Variants in SLC16A2 observed in about 807,000 individuals in gnomAD.
SLC16A2 encodes solute carrier family 16 member 2.
SLC16A2 carries 3 observed loss-of-function variants against 27.2 expected under a neutral mutation model. The ratio of observed to expected loss-of-function variants is 0.11; its 90% CI spans 0.05 to 0.28. The LOEUF (loss-of-function observed/expected upper bound fraction) is 0.28. Among genes scored for constraint, SLC16A2 ranks in the 10% least tolerant of loss-of-function variants. The pLI, the probability that SLC16A2 is intolerant of heterozygous loss-of-function variation, is 1.00. For missense variants in SLC16A2, 295 were observed against 458.5 expected (o/e 0.64, Z 3.26); for synonymous variants, 202 against 187.8 (o/e 1.08, Z -0.62).
In SLC16A2 at chrX:74,532,118, T is replaced by C. The variant is rs947390063; in HGVS notation, c.*565T>C. ...CCCTTATTGTATGGTTGGTTAACAG[T>C]CTGCTCCCCTCTTCCCTTCCTTCTT... On this transcript the variant is annotated 3_prime_UTR_variant, in exon 6 of 6. Transcript: ENST00000587091. 1 of 124,280 alleles carries C rather than the reference T, an allele frequency of 8.0e-6. No homozygotes were observed. The highest frequency in any genetic ancestry group is 1.7e-5 in the Non-Finnish European group (1 of 60,121). 10.2% of individuals were successfully genotyped at this position (124,280 alleles called of 1,213,427 possible).
chrX:74,501,795 AGTCCTG>A (rs1475096809), intron 1 of SLC16A2, among the ~76,000 whole-genome samples: 6 of 111,003 alleles, frequency 5.4e-5, no homozygotes, highest in African/African-American at 1.6e-4. Context: ...ACATTTTTGG[AGTCCTG>A]TGTTCAAGCA....
chrX:74,423,017 C>G (rs1485590508), intron 1 of SLC16A2, among the ~76,000 whole-genome samples: 2 of 113,207 alleles, frequency 1.8e-5, no homozygotes. Flanking sequence ...GCATAGCCCT[C>G]GCTTTCCAGG....
intron 1 of SLC16A2, among the ~76,000 whole-genome samples, chrX:74,439,477 ATTTTT>A (rs58357634): frequency 2.5e-5 from 2 of 78,557 alleles, no homozygotes; most frequent in Non-Finnish European, 2.3e-5. Context: ...GGCCCGGCTA[ATTTTT>A]TTTTTTTTTT....
chrX:74,425,145 G>A (rs1928381806), intron 1 of SLC16A2, among the ~76,000 whole-genome samples: 1 of 112,124 alleles, frequency 8.9e-6, no homozygotes, highest in South Asian at 3.7e-4. Context: ...TGGGAAGAAA[G>A]GTAGTTTTGA....
intron 1 of SLC16A2, among the ~76,000 whole-genome samples, chrX:74,437,038 T>TGAC (rs1279437338): frequency 3.6e-5 from 4 of 112,181 alleles, no homozygotes; most frequent in Non-Finnish European, 7.5e-5. Flanking sequence ...AGGGAACCAA[T>TGAC]GACTAAGAGG....
rs778161921 is a variant in SLC16A2 at position 74,526,564 on chromosome X, A to G, written c.1170+671A>G. Among the ~76,000 whole-genome samples the G allele has an allele frequency of 3.6e-5, 4 of 112,322 alleles. No homozygotes were observed. In the South Asian group the frequency reaches 1.5e-3, roughly 42 times the overall value. On this transcript the variant is annotated intron_variant, in intron 4 of 5. Coordinates refer to ENST00000587091, the MANE Select transcript of SLC16A2 (RefSeq NM_006517.5). The stretch of plus-strand genomic sequence containing the variant: ...TTTTCCTTAACTTTTTTGGTGTTAG[A>G]TTACAAGAGTTGGTAAATCTGCTTT...
chrX:74,466,542 A>G (rs1455795842), intron 1 of SLC16A2, among the ~76,000 whole-genome samples: 2 of 112,515 alleles, frequency 1.8e-5, no homozygotes, highest in Admixed American at 1.9e-4. Context: ...ATGCTATGCA[A>G]ATAGTTGTTA....
In SLC16A2 at chrX:74,440,392, T is replaced by G. The variant is rs777754776; in HGVS notation, c.430+18325T>G. ...ACAAGATGTCTTTAAAAAAGGTGTG[T>G]ATGTGTTCTGTTTTGTTTGTGTGTG... On this transcript the variant is annotated intron_variant, in intron 1 of 5. Coordinates refer to ENST00000587091, the MANE Select transcript of SLC16A2 (RefSeq NM_006517.5). Among the ~76,000 whole-genome samples, 4 of 111,088 alleles carry G rather than the reference T, an allele frequency of 3.6e-5. No individual in the cohort carries two copies. In the South Asian group the frequency reaches 1.5e-3, roughly 43 times the overall value.
chrX:74,427,240 G>A (rs1459106585), intron 1 of SLC16A2, among the ~76,000 whole-genome samples: 1 of 112,172 alleles, frequency 8.9e-6, no homozygotes, highest in Admixed American at 9.5e-5. Context: ...GCTAGCAGAG[G>A]AAACGGATTC....
chrX:74,499,822 C>G (rs1929997872), intron 1 of SLC16A2, among the ~76,000 whole-genome samples: 1 of 111,170 alleles, frequency 9.0e-6, no homozygotes, highest in African/African-American at 3.3e-5. Flanking sequence ...ACTAGGATGG[C>G]TAAATAGTAG....
chrX:74,444,495 A>C (rs1928806131), intron 1 of SLC16A2, among the ~76,000 whole-genome samples: 1 of 111,668 alleles, frequency 9.0e-6, no homozygotes, highest in Admixed American at 9.5e-5. Context: ...AGGAATCCGA[A>C]AGCTTGGGTT....
intron 1 of SLC16A2, among the ~76,000 whole-genome samples, chrX:74,483,413 C>G (rs1439833979): frequency 9.0e-6 from 1 of 111,663 alleles, no homozygotes; most frequent in African/African-American, 3.3e-5. Flanking sequence ...TTAGCTTTTT[C>G]TCTGGTTCTC....
At chrX:74,495,911 G>T (rs1427530560) in intron 1 of SLC16A2, among the ~76,000 whole-genome samples, 1 of 110,995 alleles carries the variant, frequency 9.0e-6, no homozygotes, top group Non-Finnish European at 1.9e-5. Flanking sequence ...TGGGAGAGTG[G>T]GGTCTAGACC....
intron 1 of SLC16A2, among the ~76,000 whole-genome samples, chrX:74,471,696 A>G (rs1460926478): frequency 9.0e-6 from 1 of 111,567 alleles, no homozygotes; most frequent in East Asian, 2.8e-4. Flanking sequence ...TTAAGTGTAC[A>G]TTTCAGTGGC....
At chrX:74,491,564 G>T (rs1396859293) in intron 1 of SLC16A2, among the ~76,000 whole-genome samples, 1 of 111,848 alleles carries the variant, frequency 8.9e-6, no homozygotes, top group Non-Finnish European at 1.9e-5. Flanking sequence ...GTATAATGAG[G>T]CATGTTCGAC....
chrX:74,514,609 G>A (rs111242548), intron 1 of SLC16A2, among the ~76,000 whole-genome samples: 4,002 of 111,437 alleles, frequency 0.036, 91 homozygotes, highest in Non-Finnish European at 0.057. Flanking sequence ...ACTCTTGCCC[G>A]GGTATAACCT....
At chrX:74,459,157 G>A (rs1042999033) in intron 1 of SLC16A2, among the ~76,000 whole-genome samples, 7 of 87,379 alleles carry the variant, frequency 8.0e-5, no homozygotes, top group South Asian at 5.9e-4. Context: ...CTGCTCTGGC[G>A]TTTACCTGTA....
intron 1 of SLC16A2, among the ~76,000 whole-genome samples, chrX:74,482,700 GTT>G (rs1394176168): frequency 1.3e-4 from 14 of 110,522 alleles, no homozygotes; most frequent in African/African-American, 4.6e-4. Context: ...AATTCTTTTA[GTT>G]GTTTTTTTTT....
chrX:74,447,743 C>G (rs1032822228), intron 1 of SLC16A2, among the ~76,000 whole-genome samples: 1 of 109,366 alleles, frequency 9.1e-6, no homozygotes, highest in Admixed American at 9.8e-5. Flanking sequence ...CTCTGGAAAG[C>G]TGAGGCGGGT....
Sources: allele counts gnomAD v4.1 joint callset (sites outside exome capture counted in the v4.1 genomes callset), GRCh38; gene constraint gnomAD v4.1.1; transcripts MANE v1.5; gene names NCBI Gene and HGNC (gene_info 2026-07-23, HGNC 2026-07-21).